The following TBC1D9B variants were observed in gnomAD, a reference collection of about 807,000 sequenced individuals.
TBC1D9B encodes TBC1 domain family member 9B, also known as TBC1 domain family, member 9B (with GRAM domain).
In TBC1D9B, 87 loss-of-function variants were observed where a neutral mutation model predicts 121.1. That is an observed-to-expected ratio of 0.72 (90% CI 0.60 to 0.86). TBC1D9B has a LOEUF of 0.86. Ranked by LOEUF, TBC1D9B falls within the 40% of genes least tolerant of loss-of-function variation. The pLI, the probability that TBC1D9B is intolerant of heterozygous loss-of-function variation, is 0.00. For missense variants in TBC1D9B, 1,540 were observed against 1,628.6 expected (o/e 0.95, Z 0.94); for synonymous variants, 668 against 670.1 (o/e 1.00, Z 0.05).
Position 179,866,298 on chromosome 5 carries a change from G to A in TBC1D9B, c.2864-410C>T, listed in dbSNP as rs577366761. 9 of 189,194 alleles carry A rather than the reference G, an allele frequency of 4.8e-5. No homozygotes were observed. In the East Asian group the frequency reaches 1.1e-3, roughly 24 times the overall value. 11.7% of individuals were successfully genotyped at this position (189,194 alleles called of 1,614,324 possible). A position where few individuals can be genotyped will look rare whatever the true frequency, so the allele number is the denominator to read the frequency against. ...GGAACCCTAATGACCCCTTCCACCC[G>A]CGCCTGCTGTGCCTGTTACTGAGGG... On this transcript the variant is annotated intron_variant, in intron 18 of 20. Coordinates refer to ENST00000355235, the MANE Select transcript of TBC1D9B (RefSeq NM_015043.4).
rs1331925766 is a variant in TBC1D9B, at chr5:179,887,797, CCA to C, written c.1254+304_1254+305del. 5 of 457,148 alleles carry C rather than the reference CCA, an allele frequency of 1.1e-5. No homozygotes were observed. The Admixed American group carries it at 1.5e-4, about 14-fold the overall frequency. The allele number at this position is 457,148 out of a possible 1,614,324, so 28.3% of individuals were successfully genotyped here. A position where few individuals can be genotyped will look rare whatever the true frequency, so the allele number is the denominator to read the frequency against. On this transcript the variant is annotated intron_variant, in intron 7 of 20. Coordinates refer to ENST00000355235, the MANE Select transcript of TBC1D9B (RefSeq NM_015043.4). ...GAACAAAGCCGAAGTGTACAGGCCT[CCA>C]CAGTGTGGCTTTGCTCTGAGTGCAG...
intron 5 of TBC1D9B, 131 bp downstream of exon 5, chr5:179,893,078 C>A: frequency 4.5e-6 from 6 of 1,338,548 alleles, no homozygotes; most frequent in Non-Finnish European, 6.0e-6. Flanking sequence ...GCTTCCTTCC[C>A]AAGTGGGGAG....
intron 14 of TBC1D9B, 44 bp downstream of exon 14, chr5:179,872,848 G>GGGCCCCCCCCCC: frequency 6.9e-7 from 1 of 1,457,250 alleles, no homozygotes; most frequent in Non-Finnish European, 9.5e-7. Context: ...AGGCACTGCT[G>GGGCCCCCCCCCC]CCCCCCCAGC....
intron 18 of TBC1D9B, chr5:179,867,431 T>C: frequency 6.4e-7 from 1 of 1,552,088 alleles, no homozygotes; most frequent in Non-Finnish European, 8.7e-7. Flanking sequence ...CGCCCCTGCC[T>C]TCCAGGGACT....
At chr5:179,869,504 C>T in intron 17 of TBC1D9B, 1 of 641,074 alleles carries the variant, frequency 1.6e-6, no homozygotes, top group Non-Finnish European at 2.9e-6. Flanking sequence ...TTGGGTCCAG[C>T]TGCCTCCTCG....
chr5:179,867,567 C>T, intron 18 of TBC1D9B: 1 of 1,535,110 alleles, frequency 6.5e-7, no homozygotes, highest in South Asian at 1.2e-5. Context: ...GACAGAGACA[C>T]AAGAGAAACA....
rs1428736257 is a variant in TBC1D9B, at chr5:179,863,386, CAGG to C, written c.*59_*61del. On this transcript the variant is annotated 3_prime_UTR_variant, in exon 21 of 21. Coordinates refer to ENST00000355235, the MANE Select transcript of TBC1D9B (RefSeq NM_015043.4). This position sits in a 1 kb window ranked among gnomAD's most constrained non-coding sequence, Gnocchi z 4.5. ...AGAGAAACTGATAAGGGAGGAAAGG[CAGG>C]AGGAGATGAGGCCAGCCCCACTGAT... 8 of 1,543,780 alleles carry C rather than the reference CAGG, an allele frequency of 5.2e-6. No individual in the cohort carries two copies. Among genetic ancestry groups the C allele is most frequent in the Admixed American group, 1.9e-5 (1 of 52,682 alleles).
Position 179,871,470 on chromosome 5 carries a change from C to T in TBC1D9B, c.2476G>A (p.Val826Met), listed in dbSNP as rs372854105. 2 of 1,612,944 alleles carry T rather than the reference C, an allele frequency of 1.2e-6. No individual in the cohort carries two copies. The highest frequency in any genetic ancestry group is 8.5e-7 in the Non-Finnish European group (1 of 1,179,578). The change falls in exon 15 of 21, where the codon GTG becomes ATG. Residue 826 changes from valine to methionine, a missense_variant. Coordinates refer to ENST00000355235, the MANE Select transcript of TBC1D9B (RefSeq NM_015043.4). Reference protein sequence around the residue: ...SIEELEDLYMVFKAKHLASQY... With the variant: ...SIEELEDLYMMFKAKHLASQY... The stretch of plus-strand genomic sequence containing the variant: ...TGGCTCTGAGCTGTCACCTTAAACA[C>T]CATGTAAAGGTCCTCCAGCTCTTCA...
chr5:179,870,311 A>T lies in TBC1D9B; in HGVS notation c.2669T>A (p.Leu890His). 1 of 1,613,884 alleles carries T rather than the reference A, an allele frequency of 6.2e-7. No individual in the cohort carries two copies. Among genetic ancestry groups the T allele is most frequent in the Non-Finnish European group, 8.5e-7 (1 of 1,180,032 alleles). ...CAGCGAGTCCTTGTTTTCGTCCAGGAGCCTGAACATGCGCCCTGCCAGCAG... is the reference window on the plus strand; with the variant it reads ...CAGCGAGTCCTTGTTTTCGTCCAGGTGCCTGAACATGCGCCCTGCCAGCAG... ...TPLLAGRMFR[L>H]LDENKDSLIN... is the part of the protein sequence containing the mutation. The change falls in exon 16 of 21, where the codon CTC (leucine) becomes CAC (histidine). Residue 890 changes from leucine to histidine, a missense_variant. Leu to His is a moderately conservative substitution (Grantham distance 99). Transcript: ENST00000355235.
intron 4 of TBC1D9B, 26 bp from the exon 5 acceptor site, chr5:179,893,493 G>T (rs368931613): frequency 1.3e-6 from 2 of 1,566,174 alleles, no homozygotes; most frequent in South Asian, 1.2e-5. Flanking sequence ...TAGACACACC[G>T]CAAGTTAGGG....
Position 179,906,737 on chromosome 5 carries a change from C to T in TBC1D9B, c.118+967G>A, listed in dbSNP as rs116317761. Among the ~76,000 whole-genome samples, 596 of 152,328 alleles carry T rather than the reference C, an allele frequency of 3.9e-3. 6 individuals carry two copies. Among genetic ancestry groups the T allele is most frequent in the African/African-American group, 0.014 (570 of 41,582 alleles). The stretch of plus-strand genomic sequence containing the variant: ...GAACAGTCTCTTCCACATGAAGAAA[C>T]GTGGCCCAGGAGAAGCCTCCGTCTG... On this transcript the variant is annotated intron_variant, in intron 1 of 20. Coordinates refer to ENST00000355235, the MANE Select transcript of TBC1D9B (RefSeq NM_015043.4).
Position 179,907,825 on chromosome 5 carries a change from G to T in TBC1D9B, c.-4C>A. On this transcript the variant is annotated 5_prime_UTR_variant, in exon 1 of 21. Transcript: ENST00000355235. The surrounding 1 kb of genome is among the most constrained non-coding windows in gnomAD (Gnocchi z 5.3). ...CCTCCTCCGGGCTCAGCCACATCGCGGAGCCGCTCGCACCGGGCCGAGGCC... is the reference window on the plus strand; with the variant it reads ...CCTCCTCCGGGCTCAGCCACATCGCTGAGCCGCTCGCACCGGGCCGAGGCC... 8.6e-7 allele frequency: 1 copy of T among 1,157,262 alleles called. No individual in the cohort carries two copies. The highest frequency in any genetic ancestry group is 1.8e-5 in the South Asian group (1 of 55,742). 71.7% of individuals were successfully genotyped at this position (1,157,262 alleles called of 1,614,324 possible). A position where few individuals can be genotyped will look rare whatever the true frequency, so the allele number is the denominator to read the frequency against.
In TBC1D9B at chr5:179,873,149, G is replaced by A. The variant is rs556709837; in HGVS notation, c.2286C>T (p.Asp762=). The A allele has an allele frequency of 2.5e-5, 41 of 1,612,618 alleles. No homozygotes were observed. In the South Asian group the frequency reaches 4.3e-4, roughly 17 times the overall value. The change falls in exon 13 of 21, where the codon GAC becomes GAT. Residue 762 remains aspartate, a synonymous_variant. Coordinates refer to ENST00000355235, the MANE Select transcript of TBC1D9B (RefSeq NM_015043.4). ...AGGACACTTTCAGGAGCTCAAAGATGTCCACCTCTGCAGGGGGGTCATCGC... is the reference window on the plus strand; with the variant it reads ...AGGACACTTTCAGGAGCTCAAAGATATCCACCTCTGCAGGGGGGTCATCGC... The part of the protein sequence containing the change: ...SSSDDPPAEV[D]IFELLKVSYE...
In TBC1D9B at chr5:179,879,197, C is replaced by T. The variant is rs1452730162; in HGVS notation, c.1417G>A (p.Ala473Thr). ...GACTCCTCTTTCATCTTCTCCTTGG[C>T]CTGAGGGAAAAGCGCATCAGGGAGC... ...SPMEDLGAKG[A>T]KEKMKEESWH... is the part of the protein sequence containing the mutation. Residue 473 changes from alanine to threonine, a missense_variant and splice_region_variant, in exon 9 of 21, where the codon GCC (alanine) becomes ACC (threonine). Physicochemically the swap from Ala to Thr is moderately conservative, Grantham distance 58 (BLOSUM62 0). Transcript: ENST00000355235. The T allele has an allele frequency of 6.3e-7, 1 of 1,599,534 alleles. No individual in the cohort carries two copies. Among genetic ancestry groups the T allele is most frequent in the East Asian group, 2.2e-5 (1 of 44,726 alleles).
At chr5:179,906,866 C>A (rs1383293224) in intron 1 of TBC1D9B, among the ~76,000 whole-genome samples, 2 of 152,246 alleles carry the variant, frequency 1.3e-5, no homozygotes, top group African/African-American at 4.8e-5. Context: ...TCCTGTAGGG[C>A]AACAGTCGGT....
intron 4 of TBC1D9B, 42 bp from the exon 5 acceptor site, chr5:179,893,509 C>A: frequency 6.4e-7 from 1 of 1,553,344 alleles, no homozygotes; most frequent in Non-Finnish European, 8.7e-7. Flanking sequence ...TAGGGCCTGG[C>A]AGGGCGAGGC....
In TBC1D9B at chr5:179,891,720, A is replaced by T. The variant is rs1170225543; in HGVS notation, c.837-134T>A. The T allele has an allele frequency of 3.3e-6, 3 of 899,428 alleles. No homozygotes were observed. Among genetic ancestry groups the T allele is most frequent in the African/African-American group, 3.3e-5 (2 of 59,836 alleles). 55.7% of individuals were successfully genotyped at this position (899,428 alleles called of 1,614,324 possible). ...GATCCCTGGGGTGGTCCCTTGAGCA[A>T]GTCATGCTCAGGGACCTCAGAGTTC... On this transcript the variant is annotated intron_variant, in intron 5 of 20. Transcript: ENST00000355235. The surrounding 1 kb of genome is among the most constrained non-coding windows in gnomAD (Gnocchi z 4.3).
chr5:179,902,014 A>G lies in TBC1D9B; in HGVS notation c.229+2688T>C, dbSNP rs1761178891. 1.3e-5 allele frequency among the ~76,000 whole-genome samples: 2 copies of G among 152,214 alleles called. No individual in the cohort carries two copies. Among genetic ancestry groups the G allele is most frequent in the Admixed American group, 1.3e-4 (2 of 15,288 alleles). On this transcript the variant is annotated intron_variant, in intron 2 of 20. Coordinates refer to ENST00000355235, the MANE Select transcript of TBC1D9B (RefSeq NM_015043.4). The surrounding 1 kb of genome is among the most constrained non-coding windows in gnomAD (Gnocchi z 4.9). ...TCATTTTACCAGATGAAGCTGAGGCACAGAGAGGTGAAATAAGTTACCCAA... is the reference window on the plus strand; with the variant it reads ...TCATTTTACCAGATGAAGCTGAGGCGCAGAGAGGTGAAATAAGTTACCCAA...
rs779026849 is a variant in TBC1D9B, at chr5:179,875,675, G to A, written c.1900+245C>T. On this transcript the variant is annotated intron_variant, in intron 11 of 20. Transcript: ENST00000355235. This position sits in a 1 kb window ranked among gnomAD's most constrained non-coding sequence, Gnocchi z 4.5. ...AGTAAAGTTGAGCATCAGGTTACAT[G>A]GGGGATATATACTCTCTAGTTTTGA... is the stretch of plus-strand genomic sequence containing the variant. Among the ~76,000 whole-genome samples the A allele has an allele frequency of 4.6e-5, 7 of 152,192 alleles. No homozygotes were observed. Among genetic ancestry groups the A allele is most frequent in the African/African-American group, 9.7e-5 (4 of 41,428 alleles).
Sources: allele counts gnomAD v4.1 joint callset (sites outside exome capture counted in the v4.1 genomes callset), GRCh38; gene constraint gnomAD v4.1.1; non-coding constraint Gnocchi (gnomAD v3.1); transcripts MANE v1.5; gene names NCBI Gene and HGNC (gene_info 2026-07-23, HGNC 2026-07-21).